The following FNBP1 variants were observed in gnomAD, a reference collection of about 807,000 sequenced individuals.
The protein encoded by FNBP1 is formin binding protein 1.
Under a neutral mutation model 90.6 loss-of-function variants are expected in FNBP1, and 26 were observed. The observed-to-expected ratio is 0.29, with a 90% CI of 0.21 to 0.40. FNBP1 has a LOEUF of 0.40. FNBP1 is among the 10% of genes least tolerant of loss of function. The probability of loss-of-function intolerance (pLI) is 1.00; values close to 1 mark genes in which losing one functional copy is unlikely to be tolerated. For synonymous variants in FNBP1, 260 were observed against 265.2 expected (o/e 0.98, Z 0.19); for missense variants, 635 against 768.0 (o/e 0.83, Z 2.05).
intron 1 of FNBP1, among the ~76,000 whole-genome samples, chr9:130,025,898 T>G (rs1022076628): frequency 6.6e-6 from 1 of 152,108 alleles, no homozygotes; most frequent in African/African-American, 2.4e-5. Flanking sequence ...CACTCCAGCC[T>G]GGGTGACAGA....
In FNBP1 at chr9:129,900,684, A is replaced by T. The variant is rs2036751861; in HGVS notation, c.1429-137T>A. On this transcript the variant is annotated intron_variant, in intron 13 of 16. Coordinates refer to ENST00000446176, the MANE Select transcript of FNBP1 (RefSeq NM_015033.3). This position sits in a 1 kb window ranked among gnomAD's most constrained non-coding sequence, Gnocchi z 4.1. ...CCAAACTCAGGGGCTACTCTTGGCCATTTAACCCAATGTGAGGAAGTCCAC... is the reference window on the plus strand; with the variant it reads ...CCAAACTCAGGGGCTACTCTTGGCCTTTTAACCCAATGTGAGGAAGTCCAC... 7.6e-6 allele frequency: 7 copies of T among 915,318 alleles called. No individual in the cohort carries two copies. Among genetic ancestry groups the T allele is most frequent in the Non-Finnish European group, 1.5e-6 (1 of 684,658 alleles). 56.7% of individuals were successfully genotyped at this position (915,318 alleles called of 1,614,324 possible).
intron 2 of FNBP1, among the ~76,000 whole-genome samples, chr9:129,987,460 T>G (rs1484286694): frequency 2.0e-5 from 3 of 152,076 alleles, no homozygotes; most frequent in East Asian, 1.9e-4. Flanking sequence ...CAATTGAGCC[T>G]GTTTAGAATT....
At chr9:129,983,233 G>T (rs1469597613) in intron 2 of FNBP1, among the ~76,000 whole-genome samples, 1 of 152,002 alleles carries the variant, frequency 6.6e-6, no homozygotes, top group African/African-American at 2.4e-5. Flanking sequence ...TACTAAACAG[G>T]ATTAAATTAG....
intron 6 of FNBP1, among the ~76,000 whole-genome samples, chr9:129,951,036 A>G (rs1461347042): frequency 1.4e-5 from 2 of 144,128 alleles, no homozygotes; most frequent in African/African-American, 5.2e-5. Context: ...CAGCCGTGCG[A>G]TCTCGGCTCA....
upstream of FNBP1, among the ~76,000 whole-genome samples, chr9:130,046,580 C>CAAAAAAAAAAA (rs56392821): frequency 5.0e-3 from 334 of 66,736 alleles, no homozygotes; most frequent in East Asian, 0.012. Flanking sequence ...ACTAAAAATA[C>CAAAAAAAAAAA]AAAAAAAAAA....
intron 1 of FNBP1, among the ~76,000 whole-genome samples, chr9:130,007,543 C>A (rs2055939343): frequency 6.6e-6 from 1 of 152,122 alleles, no homozygotes; most frequent in Non-Finnish European, 1.5e-5. Context: ...GGAGGGGAAA[C>A]TGCTATGGAA....
intron 2 of FNBP1, among the ~76,000 whole-genome samples, chr9:129,993,206 G>A (rs1443546919): frequency 5.3e-5 from 7 of 131,330 alleles, no homozygotes; most frequent in South Asian, 2.6e-4. Flanking sequence ...CAGCCTGGGC[G>A]ACAGAGTGAG....
chr9:130,042,567 C>T lies in FNBP1; in HGVS notation c.24+385G>A, dbSNP rs141524520. Among the ~76,000 whole-genome samples the T allele has an allele frequency of 6.6e-6, 1 of 151,674 alleles. No homozygotes were observed. Among genetic ancestry groups the T allele is most frequent in the African/African-American group, 2.4e-5 (1 of 41,354 alleles). Reference sequence around the variant, plus strand: ...GGCGCCCCGAGACCCAACGCAGCGCCGCGCAGCCGGGGCCTCCACGCCCCC... The same window carrying T: ...GGCGCCCCGAGACCCAACGCAGCGCTGCGCAGCCGGGGCCTCCACGCCCCC... On this transcript the variant is annotated intron_variant, in intron 1 of 16. Transcript: ENST00000446176. The surrounding 1 kb of genome is among the most constrained non-coding windows in gnomAD (Gnocchi z 5.5).
chr9:129,955,432 C>T (rs958186461), intron 6 of FNBP1, among the ~76,000 whole-genome samples: 2 of 151,682 alleles, frequency 1.3e-5, no homozygotes, highest in African/African-American at 4.8e-5. Flanking sequence ...GAAAGGGTCT[C>T]ACCATGTTGC....
intron 13 of FNBP1, among the ~76,000 whole-genome samples, chr9:129,902,492 T>G (rs529106364): frequency 1.3e-4 from 20 of 152,240 alleles, no homozygotes; most frequent in African/African-American, 4.8e-4. Context: ...GTGCCTGTAA[T>G]CCCAGCTCCT....
At chr9:129,928,872 T>C (rs1040224668) in intron 7 of FNBP1, among the ~76,000 whole-genome samples, 1 of 151,548 alleles carries the variant, frequency 6.6e-6, no homozygotes, top group Non-Finnish European at 1.5e-5. Context: ...TGGAGAACTG[T>C]TTGAGTCCAG....
At chr9:129,952,677 TG>T (rs2046366079) in intron 6 of FNBP1, among the ~76,000 whole-genome samples, 1 of 152,178 alleles carries the variant, frequency 6.6e-6, no homozygotes, top group African/African-American at 2.4e-5. Flanking sequence ...TAAGCTTGAC[TG>T]GGAAAGGGGG....
At chr9:129,902,719 AT>A in intron 13 of FNBP1, 149 bp downstream of exon 13, 1 of 710,844 alleles carries the variant, frequency 1.4e-6, no homozygotes, top group South Asian at 1.9e-5. Context: ...CGAAGAGTGT[AT>A]TTTTCCTTTG....
intron 6 of FNBP1, among the ~76,000 whole-genome samples, chr9:129,956,364 CATGAAGCT>C (rs1310715081): frequency 6.6e-6 from 1 of 152,128 alleles, no homozygotes; most frequent in African/African-American, 2.4e-5. Flanking sequence ...CCACATACAG[CATGAAGCT>C]ATGAATGCCC....
rs73672538 is a variant in FNBP1 at position 130,031,252 on chromosome 9, A to C, written c.24+11700T>G. 0.06 allele frequency among the ~76,000 whole-genome samples: 9,118 copies of C among 152,282 alleles called. 294 individuals carry two copies. The highest frequency in any genetic ancestry group is 0.099 in the Middle Eastern group (29 of 294). On this transcript the variant is annotated intron_variant, in intron 1 of 16. Coordinates refer to ENST00000446176, the MANE Select transcript of FNBP1 (RefSeq NM_015033.3). This position sits in a 1 kb window ranked among gnomAD's most constrained non-coding sequence, Gnocchi z 4.2. ...CAGCCAATCGGCCCAGCGTGGCCTG[A>C]AGCTACCGAGCTCCTCTCCATCCTT...
intron 15 of FNBP1, among the ~76,000 whole-genome samples, chr9:129,897,993 C>T (rs1229215807): frequency 6.6e-6 from 1 of 152,018 alleles, no homozygotes; most frequent in African/African-American, 2.4e-5. Flanking sequence ...CCACGCCTCA[C>T]TGATTTTTGT....
At chr9:129,893,612 CAAAAAAA>C (rs1216398298) in intron 16 of FNBP1, among the ~76,000 whole-genome samples, 20 of 22,314 alleles carry the variant, frequency 9.0e-4, no homozygotes, top group East Asian at 1.8e-3. Context: ...GACTCTGTCT[CAAAAAAA>C]AAAAAAAAAA....
intron 4 of FNBP1, among the ~76,000 whole-genome samples, chr9:129,958,985 CAAAAAAAAA>C (rs60640596): frequency 1.1e-4 from 1 of 9,156 alleles, no homozygotes; most frequent in East Asian, 5.6e-3. Context: ...AACTCTGCCT[CAAAAAAAAA>C]AAAAAAAAAA....
chr9:129,900,019 C>G lies in FNBP1; in HGVS notation c.1633G>C (p.Asp545His). 6.2e-7 allele frequency: 1 copy of G among 1,613,586 alleles called. No individual in the cohort carries two copies. Among genetic ancestry groups the G allele is most frequent in the Non-Finnish European group, 8.5e-7 (1 of 1,179,708 alleles). The change falls in exon 15 of 17, where the codon GAT becomes CAT. Residue 545 changes from aspartate to histidine, a missense_variant. Coordinates refer to ENST00000446176, the MANE Select transcript of FNBP1 (RefSeq NM_015033.3). The surrounding 1 kb of genome is among the most constrained non-coding windows in gnomAD (Gnocchi z 4.1). ...CCTATGGCAGGGAGGGGCTCCTCATCATCAAACTCGTCGTCAAAATCCGTG... is the reference window on the plus strand; with the variant it reads ...CCTATGGCAGGGAGGGGCTCCTCATGATCAAACTCGTCGTCAAAATCCGTG... ...LATDFDDEFD[D>H]EEPLPAIGTC...
Sources: allele counts gnomAD v4.1 joint callset (sites outside exome capture counted in the v4.1 genomes callset), GRCh38; gene constraint gnomAD v4.1.1; non-coding constraint Gnocchi (gnomAD v3.1); transcripts MANE v1.5; gene names NCBI Gene and HGNC (gene_info 2026-07-23, HGNC 2026-07-21).